Variants in WWOX observed in about 807,000 individuals in gnomAD.
WWOX encodes the protein WW domain containing oxidoreductase.
A neutral mutation model predicts 46.2 loss-of-function variants in WWOX; 69 were observed. That is an observed-to-expected ratio of 1.49 (90% CI 1.23 to 1.82). The LOEUF (loss-of-function observed/expected upper bound fraction) is 1.82, where lower values mean the gene tolerates loss of function less well. Among genes scored for constraint, WWOX ranks in the 40% most tolerant of loss-of-function variants. The pLI, the probability that WWOX is intolerant of heterozygous loss-of-function variation, is 0.00. For synonymous variants in WWOX, 359 were observed against 202.6 expected, an observed-to-expected ratio of 1.77 and a Z score of -6.56; for missense variants, 919 against 542.6, an observed-to-expected ratio of 1.69 and a Z score of -6.89.
At chr16:78,685,474 A>G (rs975655738) in intron 8 of WWOX, among the ~76,000 whole-genome samples, 2 of 152,222 alleles carry the variant, frequency 1.3e-5, no homozygotes, top group Non-Finnish European at 2.9e-5. Context: ...TTCACCTAGC[A>G]TGGGAGTTAA....
At chr16:78,123,806 C>T (rs1036943156) in intron 4 of WWOX, 4 of 152,026 alleles carry the variant, frequency 2.6e-5, no homozygotes, top group Admixed American at 6.5e-5. Flanking sequence ...TGCTACAAGC[C>T]TTACCCAGTG....
At chr16:78,193,625 A>T (rs1461230636) in intron 5 of WWOX, among the ~76,000 whole-genome samples, 2 of 29,934 alleles carry the variant, frequency 6.7e-5, no homozygotes, top group East Asian at 1.9e-3. Context: ...TATGGAAAAT[A>T]TGTTTTGGCT....
rs1256470328 is a variant in WWOX, at chr16:78,105,184, G to A, written c.108-3239G>A. 5.3e-5 allele frequency among the ~76,000 whole-genome samples: 8 copies of A among 152,160 alleles called. No individual in the cohort carries two copies. The East Asian group carries it at 7.7e-4, about 15-fold the overall frequency. On this transcript the variant is annotated intron_variant, in intron 1 of 8. Coordinates refer to ENST00000566780, the MANE Select transcript of WWOX (RefSeq NM_016373.4). ...CCCGCAACAAAGAATGATGCAGGCC[G>A]GGTGCAGTGGTTCACGCCTGTAATC...
chr16:78,539,125 T>C (rs2043826971), intron 8 of WWOX, among the ~76,000 whole-genome samples: 1 of 152,234 alleles, frequency 6.6e-6, no homozygotes, highest in African/African-American at 2.4e-5. Flanking sequence ...TGCCTGTCTG[T>C]AGGCCTTTAA....
At chr16:78,568,389 C>G (rs2044626865) in intron 8 of WWOX, among the ~76,000 whole-genome samples, 2 of 151,582 alleles carry the variant, frequency 1.3e-5, no homozygotes, top group African/African-American at 4.9e-5. Flanking sequence ...TTTAGAATCA[C>G]TTTGAGTTAT....
chr16:79,038,040 G>T lies in WWOX; in HGVS notation c.1057-173568G>T, dbSNP rs939160875. 1.3e-5 allele frequency among the ~76,000 whole-genome samples: 2 copies of T among 152,104 alleles called. 1 individual carries two copies. Among genetic ancestry groups the T allele is most frequent in the Non-Finnish European group, 2.9e-5 (2 of 68,032 alleles). On this transcript the variant is annotated intron_variant, in intron 8 of 8. Transcript: ENST00000566780. ...CAATATCTGCCAGTTCCCCTGTACA[G>T]ATTCCTCTTTAGCATTCTCTCGGCT...
intron 8 of WWOX, among the ~76,000 whole-genome samples, chr16:78,434,588 A>G (rs1386190065): frequency 1.3e-5 from 2 of 152,188 alleles, no homozygotes; most frequent in African/African-American, 4.8e-5. Context: ...AGCCCAGTCA[A>G]CCATCATTTG....
chr16:78,685,294 G>C (rs149415652), intron 8 of WWOX, among the ~76,000 whole-genome samples: 1 of 152,128 alleles, frequency 6.6e-6, no homozygotes, highest in African/African-American at 2.4e-5. Flanking sequence ...GAGGCCTGGG[G>C]ACGTCCCTTG....
At chr16:78,935,238 G>T (rs1410669175) in intron 8 of WWOX, among the ~76,000 whole-genome samples, 1 of 152,122 alleles carries the variant, frequency 6.6e-6, no homozygotes, top group South Asian at 2.1e-4. Context: ...ATTTGACCCA[G>T]CCATCCCATT....
At chr16:78,297,141 G>A (rs2079955470) in intron 5 of WWOX, among the ~76,000 whole-genome samples, 1 of 152,020 alleles carries the variant, frequency 6.6e-6, no homozygotes, top group Non-Finnish European at 1.5e-5. Context: ...TGGTATCCTG[G>A]GGAGTCATTG....
intron 8 of WWOX, among the ~76,000 whole-genome samples, chr16:78,878,223 C>T (rs1250021725): frequency 6.6e-6 from 1 of 152,148 alleles, no homozygotes; most frequent in Non-Finnish European, 1.5e-5. Context: ...GCCACAACTC[C>T]TTAGCCTCAT....
chr16:79,161,350 C>A (rs1189073403), intron 8 of WWOX, among the ~76,000 whole-genome samples: 2 of 152,096 alleles, frequency 1.3e-5, no homozygotes, highest in African/African-American at 4.8e-5. Context: ...TCCCTTCATC[C>A]CACCTAAGGT....
intron 8 of WWOX, among the ~76,000 whole-genome samples, chr16:79,000,337 A>G (rs140354704): frequency 6.6e-6 from 1 of 152,290 alleles, no homozygotes; most frequent in East Asian, 1.9e-4. Context: ...CATGGAACCT[A>G]TAAATATGGG....
intron 8 of WWOX, among the ~76,000 whole-genome samples, chr16:78,634,453 A>G (rs969884394): frequency 6.6e-6 from 1 of 152,152 alleles, no homozygotes; most frequent in African/African-American, 2.4e-5. Context: ...CATGCCTGTA[A>G]TCCCAGCACT....
intron 5 of WWOX, among the ~76,000 whole-genome samples, chr16:78,379,600 C>T (rs767159536): frequency 4.3e-4 from 66 of 152,246 alleles, no homozygotes; most frequent in African/African-American, 1.4e-3. Flanking sequence ...AAGTGGAGAA[C>T]GCAAGGCCCA....
intron 8 of WWOX, among the ~76,000 whole-genome samples, chr16:79,117,354 G>A (rs7192197): frequency 0.13 from 19,563 of 152,052 alleles, 2,808 homozygotes; most frequent in African/African-American, 0.36. Context: ...CCAACAGTAG[G>A]TCTCGACAGT....
At chr16:79,093,444 G>T (rs1347138465) in intron 8 of WWOX, among the ~76,000 whole-genome samples, 1 of 152,174 alleles carries the variant, frequency 6.6e-6, no homozygotes, top group African/African-American at 2.4e-5. Flanking sequence ...GTTTGATTTA[G>T]ATAGAGCTTT....
At chr16:79,122,027 TC>T (rs1196719404) in intron 8 of WWOX, among the ~76,000 whole-genome samples, 1 of 152,110 alleles carries the variant, frequency 6.6e-6, no homozygotes, top group Non-Finnish European at 1.5e-5. Flanking sequence ...GAGCATTAAT[TC>T]CTTACAACCC....
chr16:78,224,077 C>G (rs938126886), intron 5 of WWOX, among the ~76,000 whole-genome samples: 28 of 152,124 alleles, frequency 1.8e-4, no homozygotes, highest in African/African-American at 5.3e-4. Flanking sequence ...GATCTCAGCT[C>G]ATTGCAAGCT....
Sources: gnomAD v4.1 joint callset for allele counts (sites outside exome capture counted in the v4.1 genomes callset) on GRCh38, gnomAD v4.1.1 for gene constraint, MANE v1.5 for transcripts, NCBI Gene and HGNC (gene_info 2026-07-23, HGNC 2026-07-21) for gene names.